The following BICC1 variants were observed in gnomAD, a reference collection of about 807,000 sequenced individuals.
BICC1 encodes the protein BicC family RNA binding protein 1, also known as protein bicaudal C homolog 1.
BICC1 carries 43 observed loss-of-function variants against 111.0 expected under a neutral mutation model. The ratio of observed to expected loss-of-function variants is 0.39; its 90% CI spans 0.30 to 0.50. The LOEUF (loss-of-function observed/expected upper bound fraction) is 0.50, where lower values mean the gene tolerates loss of function less well. BICC1 is among the 20% of genes least tolerant of loss of function. BICC1 has a pLI of 0.88. For missense variants in BICC1, 1,091 were observed against 1,203.2 expected (o/e 0.91, Z 1.38); for synonymous variants, 467 against 434.4 (o/e 1.07, Z -0.93).
chr10:58,730,299 C>T (rs1489951766), intron 3 of BICC1, among the ~76,000 whole-genome samples: 1 of 152,230 alleles, frequency 6.6e-6, no homozygotes, highest in East Asian at 1.9e-4. Context: ...TCATGTCCCA[C>T]ATCCAGGGCA....
intron 1 of BICC1, among the ~76,000 whole-genome samples, chr10:58,590,994 C>A (rs1367780335): frequency 6.6e-6 from 1 of 152,164 alleles, no homozygotes; most frequent in African/African-American, 2.4e-5. Flanking sequence ...ATCTTTTCTA[C>A]TAGTTCCCCC....
chr10:58,589,614 C>T (rs186126254), intron 1 of BICC1, among the ~76,000 whole-genome samples: 141 of 151,908 alleles, frequency 9.3e-4, no homozygotes, highest in Non-Finnish European at 1.4e-3. Context: ...AGGGACTAGA[C>T]GTGCATGCCA....
At chr10:58,541,359 G>T (rs899662844) in intron 1 of BICC1, among the ~76,000 whole-genome samples, 1 of 152,066 alleles carries the variant, frequency 6.6e-6, no homozygotes. Flanking sequence ...TAGCAAAGTT[G>T]CAGGACACAA....
intron 6 of BICC1, 81 bp downstream of exon 6, chr10:58,788,504 C>G (rs968550609): frequency 1.7e-5 from 17 of 989,054 alleles, no homozygotes; most frequent in Non-Finnish European, 2.6e-5. Context: ...AATAATTTAT[C>G]ATTTTATAAC....
chr10:58,543,759 C>T (rs1309325817), intron 1 of BICC1, among the ~76,000 whole-genome samples: 7 of 149,996 alleles, frequency 4.7e-5, no homozygotes, highest in East Asian at 3.9e-4. Context: ...CCTCCTGTCT[C>T]GGCCTCTCAA....
In BICC1 at chr10:58,607,134, T is replaced by C. The variant is rs543861300; in HGVS notation, c.191-13721T>C. Among the ~76,000 whole-genome samples, 33 of 152,054 alleles carry C rather than the reference T, an allele frequency of 2.2e-4. No individual in the cohort carries two copies. The South Asian group carries it at 5.8e-3, about 27-fold the overall frequency. The stretch of plus-strand genomic sequence containing the variant: ...GAGTTTGCGACCAGCCTGCCCAACA[T>C]GGAGAAACCCTGTCTCTACTAAAAA... On this transcript the variant is annotated intron_variant, in intron 1 of 20. Transcript: ENST00000373886.
intron 3 of BICC1, among the ~76,000 whole-genome samples, chr10:58,765,987 A>G (rs1842445690): frequency 6.6e-6 from 1 of 152,240 alleles, no homozygotes. Flanking sequence ...GGGCACATGA[A>G]ATCTTTCCAG....
chr10:58,661,654 T>C (rs763329065), intron 2 of BICC1, among the ~76,000 whole-genome samples: 1 of 152,222 alleles, frequency 6.6e-6, no homozygotes, highest in Non-Finnish European at 1.5e-5. Flanking sequence ...TGCTCATTTG[T>C]TGGCACAAGT....
intron 2 of BICC1, among the ~76,000 whole-genome samples, chr10:58,674,129 C>T (rs1173983158): frequency 6.6e-6 from 1 of 152,232 alleles, no homozygotes; most frequent in Non-Finnish European, 1.5e-5. Flanking sequence ...CTTGGAAAAT[C>T]TGAATGTCTG....
chr10:58,665,136 G>T (rs895498736), intron 2 of BICC1, among the ~76,000 whole-genome samples: 3 of 152,124 alleles, frequency 2.0e-5, no homozygotes, highest in Admixed American at 6.6e-5. Context: ...GTAAGTGGGT[G>T]GTTTGGTAGT....
chr10:58,748,220 G>T (rs1266476976), intron 3 of BICC1, among the ~76,000 whole-genome samples: 1 of 152,096 alleles, frequency 6.6e-6, no homozygotes, highest in East Asian at 1.9e-4. Flanking sequence ...CTATATGCCA[G>T]GCAGTGTTCT....
chr10:58,761,601 C>T lies in BICC1; in HGVS notation c.308-23400C>T, dbSNP rs796582900. Among the ~76,000 whole-genome samples, 87 of 152,220 alleles carry T rather than the reference C, an allele frequency of 5.7e-4. 1 individual carries two copies. Among genetic ancestry groups the T allele is most frequent in the African/African-American group, 2.0e-3 (85 of 41,556 alleles). Reference sequence around the variant, plus strand: ...TGTTAAATAATATAATTCAGTGTGACAAGGAGTTGCGTCCCTGAAGATGTG... The same window carrying T: ...TGTTAAATAATATAATTCAGTGTGATAAGGAGTTGCGTCCCTGAAGATGTG... On this transcript the variant is annotated intron_variant, in intron 3 of 20. Coordinates refer to ENST00000373886, the MANE Select transcript of BICC1 (RefSeq NM_001080512.3).
At chr10:58,740,805 G>A (rs772410885) in intron 3 of BICC1, among the ~76,000 whole-genome samples, 24 of 152,190 alleles carry the variant, frequency 1.6e-4, no homozygotes, top group Non-Finnish European at 2.5e-4. Flanking sequence ...TTGTTCGCCA[G>A]ATGGAGAAAG....
At chr10:58,693,776 A>G (rs1839985061) in intron 2 of BICC1, among the ~76,000 whole-genome samples, 1 of 151,992 alleles carries the variant, frequency 6.6e-6, no homozygotes, top group Non-Finnish European at 1.5e-5. Context: ...TTGTCAGATG[A>G]GTAGGTTGCA....
At chr10:58,702,234 T>G in intron 3 of BICC1, 91 bp downstream of exon 3, 1 of 916,736 alleles carries the variant, frequency 1.1e-6, no homozygotes, top group Non-Finnish European at 1.7e-6. Flanking sequence ...TAACCTTTAT[T>G]CTTAACACTT....
In BICC1 at chr10:58,799,166, C is replaced by G. The variant is rs369863098; in HGVS notation, c.1639C>G (p.Pro547Ala). Residue 547 changes from proline (P) to alanine (A), a missense_variant, in exon 12 of 21, where the codon CCT (proline) becomes GCT (alanine). This residue lies in a region of BICC1 where 843 missense variants were observed against 900.8 expected (regional missense o/e 0.94). Coordinates refer to ENST00000373886, the MANE Select transcript of BICC1 (RefSeq NM_001080512.3). ...TGGGCACACAGCTCCATCTCCCCCT[C>G]CTGGCTTGACTCCTGTTGATGTCCA... ...TYGHTAPSPP[P>A]GLTPVDVHIN... The G allele has an allele frequency of 3.1e-5, 50 of 1,613,788 alleles. No individual in the cohort carries two copies. The highest frequency in any genetic ancestry group is 3.7e-5 in the Non-Finnish European group (44 of 1,179,940).
At chr10:58,567,477 G>A (rs1232286948) in intron 1 of BICC1, among the ~76,000 whole-genome samples, 1 of 151,696 alleles carries the variant, frequency 6.6e-6, no homozygotes, top group African/African-American at 2.4e-5. Context: ...TGTGTTCTAG[G>A]AGATAAATAC....
intron 3 of BICC1, among the ~76,000 whole-genome samples, chr10:58,726,649 C>T (rs1841115893): frequency 6.6e-6 from 1 of 152,184 alleles, no homozygotes; most frequent in South Asian, 2.1e-4. Context: ...TAGGAGACAG[C>T]TGTTAGGCCT....
intron 2 of BICC1, among the ~76,000 whole-genome samples, chr10:58,670,974 G>A (rs796392829): frequency 6.6e-6 from 1 of 152,136 alleles, no homozygotes; most frequent in South Asian, 2.1e-4. Flanking sequence ...CCATTTATAT[G>A]ATATTCTAGA....
Sources: allele counts gnomAD v4.1 joint callset (sites outside exome capture counted in the v4.1 genomes callset), GRCh38; gene constraint gnomAD v4.1.1; regional missense constraint gnomAD v4.1.1; transcripts MANE v1.5; gene names NCBI Gene and HGNC (gene_info 2026-07-23, HGNC 2026-07-21).